Variants in MRPL13 observed in about 807,000 individuals in gnomAD.
The protein encoded by MRPL13 is large ribosomal subunit protein uL13m.
In MRPL13, 33 loss-of-function variants were observed where a neutral mutation model predicts 29.0. The ratio of observed to expected loss-of-function variants is 1.14; its 90% CI spans 0.86 to 1.52. MRPL13 has a LOEUF of 1.52. Among genes scored for constraint, MRPL13 ranks in the 40% most tolerant of loss-of-function variants. The pLI is 0.00. For synonymous variants in MRPL13, 77 were observed against 68.4 expected (o/e 1.13, Z -0.62); for missense variants, 227 against 216.7 (o/e 1.05, Z -0.30).
At chr8:120,403,045 T>C (rs540844949) in intron 6 of MRPL13, among the ~76,000 whole-genome samples, 1 of 152,344 alleles carries the variant, frequency 6.6e-6, no homozygotes, top group East Asian at 1.9e-4. Context: ...TTTACACTGT[T>C]GGTGGGAGGG....
chr8:120,444,191 T>C (rs1563779366), intron 1 of MRPL13, among the ~76,000 whole-genome samples: 1 of 152,198 alleles, frequency 6.6e-6, no homozygotes, highest in African/African-American at 2.4e-5. Flanking sequence ...TGCTGGGCGA[T>C]GTCAGATTGC....
At chr8:120,423,493 A>G (rs1177219009) in intron 4 of MRPL13, among the ~76,000 whole-genome samples, 1 of 152,166 alleles carries the variant, frequency 6.6e-6, no homozygotes, top group African/African-American at 2.4e-5. Context: ...CAGAAAAAAA[A>G]GACAAGAGTA....
chr8:120,415,421 C>T (rs999107574), intron 5 of MRPL13: 4 of 152,154 alleles, frequency 2.6e-5, no homozygotes, highest in African/African-American at 7.2e-5. Flanking sequence ...TCAAATAAGG[C>T]AGCACTTTGA....
At chr8:120,402,316 G>C (rs1812607470) in intron 6 of MRPL13, among the ~76,000 whole-genome samples, 2 of 152,078 alleles carry the variant, frequency 1.3e-5, no homozygotes, top group Non-Finnish European at 2.9e-5. Context: ...TAGACCAATG[G>C]AACAGAATTG....
chr8:120,413,700 A>G (rs904660923), intron 6 of MRPL13, among the ~76,000 whole-genome samples: 2 of 152,202 alleles, frequency 1.3e-5, no homozygotes, highest in Non-Finnish European at 2.9e-5. Flanking sequence ...TTTTAGATTA[A>G]TAACAATTCA....
chr8:120,399,235 C>A (rs1257911585), intron 6 of MRPL13, among the ~76,000 whole-genome samples: 1 of 152,092 alleles, frequency 6.6e-6, no homozygotes, highest in East Asian at 1.9e-4. Context: ...ATGTTAAGGA[C>A]AGCCAGAGAG....
chr8:120,395,930 A>G lies in MRPL13; in HGVS notation c.*174T>C. Reference sequence around the variant, plus strand: ...AAATGGTTCTATAAAATTATATTTTAATTACAATTTCCTATTGAAGGACTA... The same window carrying G: ...AAATGGTTCTATAAAATTATATTTTGATTACAATTTCCTATTGAAGGACTA... On this transcript the variant is annotated 3_prime_UTR_variant, in exon 7 of 7. Transcript: ENST00000306185. 1.9e-6 allele frequency: 1 copy of G among 526,448 alleles called. No individual in the cohort carries two copies. 32.6% of individuals were successfully genotyped at this position (526,448 alleles called of 1,614,324 possible). A position where few individuals can be genotyped will look rare whatever the true frequency, so the allele number is the denominator to read the frequency against.
intron 6 of MRPL13, among the ~76,000 whole-genome samples, chr8:120,397,528 A>C (rs886474646): frequency 6.6e-6 from 1 of 152,164 alleles, no homozygotes; most frequent in South Asian, 2.1e-4. Context: ...CAGCCATTCT[A>C]GTCTGCCAGC....
At chr8:120,404,561 A>G (rs1812643138) in intron 6 of MRPL13, among the ~76,000 whole-genome samples, 1 of 152,190 alleles carries the variant, frequency 6.6e-6, no homozygotes, top group Non-Finnish European at 1.5e-5. Context: ...TTTCTCTAGG[A>G]TTGCCAGAAA....
At chr8:120,408,859 G>A (rs58566861) in intron 6 of MRPL13, among the ~76,000 whole-genome samples, 2,896 of 152,216 alleles carry the variant, frequency 0.019, 94 homozygotes, top group African/African-American at 0.067. Context: ...GCTTAAATCC[G>A]TGCTCTCTTC....
chr8:120,435,138 A>T (rs1424295182), intron 2 of MRPL13, among the ~76,000 whole-genome samples: 1 of 152,156 alleles, frequency 6.6e-6, no homozygotes, highest in African/African-American at 2.4e-5. Context: ...CTTGCTATGT[A>T]TTACATACTT....
intron 6 of MRPL13, among the ~76,000 whole-genome samples, chr8:120,396,589 A>C (rs1190961955): frequency 6.6e-6 from 1 of 152,212 alleles, no homozygotes; most frequent in African/African-American, 2.4e-5. Flanking sequence ...ATACAAAATA[A>C]GTGTATAAAC....
intron 4 of MRPL13, among the ~76,000 whole-genome samples, chr8:120,422,074 G>C (rs2130470012): frequency 6.6e-6 from 1 of 151,678 alleles, no homozygotes; most frequent in South Asian, 2.1e-4. Context: ...TTATAAAACA[G>C]ATATAAACAA....
At position 120,418,153 on chromosome 8, in the gene MRPL13, A is replaced by T. The variant is rs79978405; in HGVS notation, c.393+1699T>A. Among the ~76,000 whole-genome samples the T allele has an allele frequency of 5.8e-3, 876 of 151,982 alleles. 22 individuals carry two copies. The East Asian group carries it at 0.076, about 13-fold the overall frequency. On this transcript the variant is annotated intron_variant, in intron 5 of 6. Transcript: ENST00000306185. ...TGCATACAAATGTAGTATGCCATCTACATTCTTTTTTACCTTGTTTGTTTT... is the reference window on the plus strand; with the variant it reads ...TGCATACAAATGTAGTATGCCATCTTCATTCTTTTTTACCTTGTTTGTTTT...
At chr8:120,430,825 G>A (rs1022488180) in intron 3 of MRPL13, among the ~76,000 whole-genome samples, 1 of 152,098 alleles carries the variant, frequency 6.6e-6, no homozygotes, top group African/African-American at 2.4e-5. Flanking sequence ...TTCACTACTG[G>A]CTGTGCTGTC....
intron 1 of MRPL13, among the ~76,000 whole-genome samples, chr8:120,444,582 TACTG>T (rs1299992234): frequency 6.6e-6 from 1 of 152,180 alleles, no homozygotes; most frequent in Admixed American, 6.5e-5. Context: ...TCGCCTGGAT[TACTG>T]TAACACCCTC....
chr8:120,422,434 A>T (rs1678246546), intron 4 of MRPL13, among the ~76,000 whole-genome samples: 2 of 151,398 alleles, frequency 1.3e-5, no homozygotes, highest in Non-Finnish European at 3.0e-5. Flanking sequence ...TTGGTGACTA[A>T]TGTATGAATT....
At chr8:120,441,090 C>G (rs929526214) in intron 2 of MRPL13, among the ~76,000 whole-genome samples, 14 of 151,832 alleles carry the variant, frequency 9.2e-5, no homozygotes, top group African/African-American at 2.9e-4. Flanking sequence ...TAAGGCAAAG[C>G]CTTCAAACCA....
At chr8:120,437,513 G>C (rs1813068645) in intron 2 of MRPL13, among the ~76,000 whole-genome samples, 3 of 152,146 alleles carry the variant, frequency 2.0e-5, no homozygotes, top group Non-Finnish European at 2.9e-5. Flanking sequence ...GAAAGGAGTA[G>C]AATCCTCATA....
Sources: allele counts gnomAD v4.1 joint callset (sites outside exome capture counted in the v4.1 genomes callset), GRCh38; gene constraint gnomAD v4.1.1; transcripts MANE v1.5; gene names NCBI Gene and HGNC (gene_info 2026-07-23, HGNC 2026-07-21).